Variants in IQSEC1 observed in about 807,000 individuals in gnomAD.
IQSEC1 encodes the protein IQ motif and Sec7 domain ArfGEF 1.
A neutral mutation model predicts 91.0 loss-of-function variants in IQSEC1; 31 were observed. The observed-to-expected ratio is 0.34, with a 90% CI of 0.26 to 0.46. IQSEC1 has a LOEUF of 0.46. Ranked by LOEUF, IQSEC1 falls within the 20% of genes least tolerant of loss-of-function variation. The pLI is 1.00. For missense variants in IQSEC1, 1,388 were observed against 1,575.6 expected (o/e 0.88, Z 2.02); for synonymous variants, 699 against 662.6 (o/e 1.05, Z -0.84).
intron 1 of IQSEC1, among the ~76,000 whole-genome samples, chr3:12,988,173 G>C (rs533602393): frequency 1.1e-4 from 16 of 152,348 alleles, no homozygotes; most frequent in African/African-American, 3.6e-4. Context: ...CAGCACTTTG[G>C]GAGGCCGAGG....
chr3:13,233,289 G>A (rs1277299696), intron 1 of IQSEC1, among the ~76,000 whole-genome samples: 1 of 151,964 alleles, frequency 6.6e-6, no homozygotes, highest in Non-Finnish European at 1.5e-5. Context: ...AGATGCAAGT[G>A]TTCTGGGAAC....
chr3:12,900,730 G>A lies in IQSEC1; in HGVS notation c.*253C>T. On this transcript the variant is annotated 3_prime_UTR_variant, in exon 14 of 14. Coordinates refer to ENST00000613206, the MANE Select transcript of IQSEC1 (RefSeq NM_001134382.3). Reference sequence around the variant, plus strand: ...GCTGGCTCACCGTTTCAAGGCTGATGGTGTCTGAGGCCCACCCATCCCTCA... The same window carrying A: ...GCTGGCTCACCGTTTCAAGGCTGATAGTGTCTGAGGCCCACCCATCCCTCA... The A allele has an allele frequency of 7.1e-7, 1 of 1,409,080 alleles. No homozygotes were observed. Among genetic ancestry groups the A allele is most frequent in the Non-Finnish European group, 9.2e-7 (1 of 1,084,440 alleles). 87.3% of individuals were successfully genotyped at this position (1,409,080 alleles called of 1,614,324 possible). A position where few individuals can be genotyped will look rare whatever the true frequency, so the allele number is the denominator to read the frequency against.
intron 1 of IQSEC1, among the ~76,000 whole-genome samples, chr3:13,260,418 T>A (rs1695361364): frequency 6.6e-6 from 1 of 152,162 alleles, no homozygotes; most frequent in Non-Finnish European, 1.5e-5. Flanking sequence ...CCCCCATTAA[T>A]CCCTGAATGG....
At chr3:12,905,557 G>A (rs1382193989) in intron 12 of IQSEC1, among the ~76,000 whole-genome samples, 2 of 152,258 alleles carry the variant, frequency 1.3e-5, no homozygotes, top group Admixed American at 6.5e-5. Flanking sequence ...GGAGGTGGGG[G>A]ATGAGCTCAG....
chr3:13,118,188 A>T (rs1706367481), intron 2 of IQSEC1, among the ~76,000 whole-genome samples: 1 of 152,218 alleles, frequency 6.6e-6, no homozygotes, highest in Non-Finnish European at 1.5e-5. Flanking sequence ...AATTATATAT[A>T]TCCAAACATC....
intron 1 of IQSEC1, among the ~76,000 whole-genome samples, chr3:13,033,987 TTC>T (rs1425221527): frequency 6.6e-6 from 1 of 152,158 alleles, no homozygotes; most frequent in Non-Finnish European, 1.5e-5. Context: ...CAATTTCCTT[TTC>T]TTATAAGGGT....
chr3:13,225,613 G>C (rs1171380028), intron 1 of IQSEC1, among the ~76,000 whole-genome samples: 1 of 152,214 alleles, frequency 6.6e-6, no homozygotes, highest in African/African-American at 2.4e-5. Context: ...CAGGCTGGGA[G>C]AGATGAAGAA....
chr3:13,075,111 G>A (rs1299985560), upstream of IQSEC1, among the ~76,000 whole-genome samples: 4 of 152,164 alleles, frequency 2.6e-5, no homozygotes, highest in Non-Finnish European at 4.4e-5. Context: ...TGAGTCATGT[G>A]AGGAATTCAT....
intron 2 of IQSEC1, among the ~76,000 whole-genome samples, chr3:13,095,956 A>T (rs1705948214): frequency 1.3e-5 from 2 of 152,206 alleles, no homozygotes; most frequent in African/African-American, 4.8e-5. Context: ...TTTGGAAGGC[A>T]TCATGATGGG....
At chr3:13,120,609 A>C (rs1446640136) in intron 2 of IQSEC1, among the ~76,000 whole-genome samples, 2 of 152,206 alleles carry the variant, frequency 1.3e-5, no homozygotes, top group Admixed American at 1.3e-4. Flanking sequence ...TTAATTAAGG[A>C]AACTTACAAT....
At chr3:13,080,528 G>C (rs1224511225) in intron 2 of IQSEC1, among the ~76,000 whole-genome samples, 1 of 152,116 alleles carries the variant, frequency 6.6e-6, no homozygotes. Context: ...CGTCTGGCTG[G>C]AGGCTCAGCC....
chr3:13,143,318 C>T (rs547487028), intron 2 of IQSEC1, among the ~76,000 whole-genome samples: 6 of 152,290 alleles, frequency 3.9e-5, no homozygotes, highest in African/African-American at 1.2e-4. Flanking sequence ...ACAGAAGTCC[C>T]GCTCCTTTCT....
chr3:13,243,640 C>T (rs750360037), intron 1 of IQSEC1, among the ~76,000 whole-genome samples: 4 of 152,052 alleles, frequency 2.6e-5, no homozygotes, highest in South Asian at 2.1e-4. Flanking sequence ...CCCTCCAGAC[C>T]GAGGAGAAGT....
intron 1 of IQSEC1, among the ~76,000 whole-genome samples, chr3:13,167,726 A>G (rs572638721): frequency 1.3e-5 from 2 of 152,324 alleles, no homozygotes; most frequent in African/African-American, 4.8e-5. Context: ...GGCTCAAGTG[A>G]TAGTGTTTGT....
At chr3:12,916,480 C>T (rs555371984) in intron 6 of IQSEC1, among the ~76,000 whole-genome samples, 17 of 152,354 alleles carry the variant, frequency 1.1e-4, no homozygotes, top group South Asian at 4.1e-4. Flanking sequence ...AATGCAAACT[C>T]GTTTTGCAGT....
intron 2 of IQSEC1, among the ~76,000 whole-genome samples, chr3:13,154,623 A>G (rs1465269305): frequency 4.7e-5 from 7 of 150,342 alleles, no homozygotes; most frequent in Non-Finnish European, 1.0e-4. Flanking sequence ...TACTTGAGCA[A>G]CTCAAGACAT....
chr3:13,010,344 A>T (rs774811957), intron 1 of IQSEC1, among the ~76,000 whole-genome samples: 1 of 152,180 alleles, frequency 6.6e-6, no homozygotes, highest in Non-Finnish European at 1.5e-5. Context: ...CCAGGGGTGA[A>T]TGCAGTACCG....
intron 1 of IQSEC1, among the ~76,000 whole-genome samples, chr3:13,177,179 A>C (rs977242372): frequency 6.6e-6 from 1 of 152,240 alleles, no homozygotes; most frequent in Admixed American, 6.5e-5. Flanking sequence ...TACACACTTT[A>C]AAAGGGCCAA....
chr3:13,060,029 G>A (rs1705010408), intron 1 of IQSEC1, among the ~76,000 whole-genome samples: 1 of 152,220 alleles, frequency 6.6e-6, no homozygotes, highest in Admixed American at 6.5e-5. Context: ...CATCCAGGCA[G>A]CGGGAACGAC....
Sources: gnomAD v4.1 joint callset for allele counts (sites outside exome capture counted in the v4.1 genomes callset) on GRCh38, gnomAD v4.1.1 for gene constraint, MANE v1.5 for transcripts, NCBI Gene and HGNC (gene_info 2026-07-23, HGNC 2026-07-21) for gene names.